The following ZNF497 variants were observed in gnomAD, a reference collection of about 807,000 sequenced individuals.
ZNF497 encodes the protein zinc finger-like protein.
For missense variants in ZNF497, 930 were observed against 714.0 expected (o/e 1.30, Z -3.45); for synonymous variants, 422 against 313.7 (o/e 1.35, Z -3.65).
In ZNF497 at chr19:58,356,915, T is replaced by G. The variant is rs768977500; in HGVS notation, c.721A>C (p.Thr241Pro). The change falls in exon 3 of 3, where the codon ACG (threonine) becomes CCG (proline). Residue 241 changes from threonine to proline, a missense_variant. Coordinates refer to ENST00000311044, the MANE Select transcript of ZNF497 (RefSeq NM_198458.3). Reference sequence around the variant, plus strand: ...CGGCAGGCGTGCGGCCGCGCGCCCGTGTGCACGCGCCGGTGCTCCAGGAAA... The same window carrying G: ...CGGCAGGCGTGCGGCCGCGCGCCCGGGTGCACGCGCCGGTGCTCCAGGAAA... ...SNFLEHRRVH[T>P]GARPHACRDC... The G allele has an allele frequency of 5.6e-5, 89 of 1,593,540 alleles. No homozygotes were observed. Among genetic ancestry groups the G allele is most frequent in the Admixed American group, 1.9e-4 (11 of 57,816 alleles).
intron 1 of ZNF497, among the ~76,000 whole-genome samples, chr19:58,361,648 C>T (rs1176913743): frequency 6.6e-6 from 1 of 152,190 alleles, no homozygotes; most frequent in Admixed American, 6.5e-5. Flanking sequence ...TGAGCCACCG[C>T]ACCTGGCCTC....
rs752713363 is a variant in ZNF497 at position 58,357,400 on chromosome 19, C to G, written c.236G>C (p.Gly79Ala). Residue 79 changes from glycine to alanine, a missense_variant, in exon 3 of 3, where the codon GGT becomes GCT. Coordinates refer to ENST00000311044, the MANE Select transcript of ZNF497 (RefSeq NM_198458.3). ...CCTGGGCCCAGCCCCGTCCCGCCCA[C>G]CGTCTGCGGGGCCCAGCTCCCTGCC... is the stretch of plus-strand genomic sequence containing the variant. The part of the protein sequence containing the change: ...GPGRELGPAD[G>A]GRDGAGPRSE... 3.8e-6 allele frequency: 6 copies of G among 1,597,540 alleles called. No individual in the cohort carries two copies. The highest frequency in any genetic ancestry group is 2.2e-5 in the South Asian group (2 of 89,548).
chr19:58,356,637 G>A lies in ZNF497; in HGVS notation c.999C>T (p.Ala333=), dbSNP rs1388266080. ...THTGERPFEC[A]ECGQAFVMGS... ...CCATGACGAAAGCCTGGCCGCACTC[G>A]GCGCACTCGAAGGGCCGCTCACCAG... Residue 333 remains alanine, a synonymous_variant, in exon 3 of 3, where the codon GCC becomes GCT. Coordinates refer to ENST00000311044, the MANE Select transcript of ZNF497 (RefSeq NM_198458.3). 3 of 1,527,548 alleles carry A rather than the reference G, an allele frequency of 2.0e-6. No homozygotes were observed. The highest frequency in any genetic ancestry group is 5.1e-5 in the East Asian group (2 of 39,414). The allele number at this position is 1,527,548 out of a possible 1,614,324, so 94.6% of individuals were successfully genotyped here. A position where few individuals can be genotyped will look rare whatever the true frequency, so the allele number is the denominator to read the frequency against.
rs2052015244 is a variant in ZNF497 at position 58,356,186 on chromosome 19, T to C, written c.1450A>G (p.Asn484Asp). The change falls in exon 3 of 3, where the codon AAC becomes GAC. Residue 484 changes from asparagine (N) to aspartate (D), a missense_variant. Asn to Asp is a conservative substitution (Grantham distance 23). Coordinates refer to ENST00000311044, the MANE Select transcript of ZNF497 (RefSeq NM_198458.3). ...ECGKPFSHRC[N>D]LNEHQKRHGG... ...TGCCGCTTCTGGTGCTCGTTGAGGTTGCAACGGTGGCTGAAAGGCTTCCCG... is the reference window on the plus strand; with the variant it reads ...TGCCGCTTCTGGTGCTCGTTGAGGTCGCAACGGTGGCTGAAAGGCTTCCCG... The C allele has an allele frequency of 6.3e-7, 1 of 1,592,904 alleles. No homozygotes were observed. The highest frequency in any genetic ancestry group is 8.6e-7 in the Non-Finnish European group (1 of 1,167,854).
Position 58,356,816 on chromosome 19 carries a change from G to C in ZNF497, c.820C>G (p.His274Asp). Residue 274 changes from histidine (H) to aspartate (D), a missense_variant, in exon 3 of 3, where the codon CAC becomes GAC. By Grantham distance (81) the His-to-Asp change is moderately conservative. Coordinates refer to ENST00000311044, the MANE Select transcript of ZNF497 (RefSeq NM_198458.3). ...GCCTTGCCGCAGTCGGGACAGGCGT[G>C]TGGCCGTGCGCCCGCGTGGATCTTC... ...HLKIHAGARP[H>D]ACPDCGKAFV... 1 of 1,564,816 alleles carries C rather than the reference G, an allele frequency of 6.4e-7. No individual in the cohort carries two copies. Among genetic ancestry groups the C allele is most frequent in the Non-Finnish European group, 8.6e-7 (1 of 1,162,462 alleles).
Position 58,357,120 on chromosome 19 carries a change from G to C in ZNF497, c.516C>G (p.Arg172=), listed in dbSNP as rs1176682095. Reference sequence around the variant, plus strand: ...GGTGGTGGATGAGCTGCGAGTGCGCGCGGAAGGCCTTGCCGCACTCCCTGC... The same window carrying C: ...GGTGGTGGATGAGCTGCGAGTGCGCCCGGAAGGCCTTGCCGCACTCCCTGC... ...YACRECGKAF[R]AHSQLIHHQE... Residue 172 remains arginine (R), a synonymous_variant, in exon 3 of 3, where the codon CGC becomes CGG. Coordinates refer to ENST00000311044, the MANE Select transcript of ZNF497 (RefSeq NM_198458.3). 1 of 1,609,532 alleles carries C rather than the reference G, an allele frequency of 6.2e-7. No individual in the cohort carries two copies. The highest frequency in any genetic ancestry group is 8.5e-7 in the Non-Finnish European group (1 of 1,176,834).
Position 58,356,776 on chromosome 19 carries a change from G to T in ZNF497, c.860C>A (p.Ala287Glu). 6.3e-7 allele frequency: 1 copy of T among 1,577,386 alleles called. No individual in the cohort carries two copies. The part of the protein sequence containing the change: ...PDCGKAFVRV[A>E]GLRQHRRTHS... ...CGTGCGCCGGTGCTGCCGCAGCCCC[G>T]CCACACGCACGAAGGCCTTGCCGCA... Residue 287 changes from alanine (A) to glutamate (E), a missense_variant, in exon 3 of 3, where the codon GCG becomes GAG. Ala to Glu is a moderately radical substitution (Grantham distance 107, BLOSUM62 -1). Transcript: ENST00000311044.
chr19:58,359,186 G>A, intron 1 of ZNF497: 1 of 1,290,992 alleles, frequency 7.7e-7, no homozygotes, highest in Non-Finnish European at 1.0e-6. Context: ...CTTGGAGCTG[G>A]GCTCACCCAC....
intron 1 of ZNF497, among the ~76,000 whole-genome samples, chr19:58,362,218 G>A (rs11668660): frequency 0.32 from 49,037 of 152,078 alleles, 8,771 homozygotes; most frequent in Middle Eastern, 0.47. Flanking sequence ...AATACGGAGT[G>A]GATAAAGGGG....
chr19:58,360,683 C>T (rs1474585719), intron 1 of ZNF497, among the ~76,000 whole-genome samples: 1 of 151,302 alleles, frequency 6.6e-6, no homozygotes, highest in Non-Finnish European at 1.5e-5. Context: ...TGCCTGCCAT[C>T]AGGCCTGGCT....
rs774853662 is a variant in ZNF497 at position 58,356,150 on chromosome 19, C to G, written c.1486G>C (p.Ala496Pro). 6.4e-7 allele frequency: 1 copy of G among 1,559,802 alleles called. No individual in the cohort carries two copies. The highest frequency in any genetic ancestry group is 8.7e-7 in the Non-Finnish European group (1 of 1,152,808). Reference protein sequence around the residue: ...NEHQKRHGGRAAP With the variant: ...NEHQKRHGGRPAP ...AGGGCGTCCTCGGGTCAGGGCGCAG[C>G]GCGGCCCCCGTGCCGCTTCTGGTGC... Residue 496 changes from alanine to proline, a missense_variant, in exon 3 of 3, where the codon GCT becomes CCT. Coordinates refer to ENST00000311044, the MANE Select transcript of ZNF497 (RefSeq NM_198458.3).
rs777179698 is a variant in ZNF497 at position 58,356,773 on chromosome 19, C to T, written c.863G>A (p.Gly288Glu). Residue 288 changes from glycine to glutamate, a missense_variant, in exon 3 of 3, where the codon GGG (glycine) becomes GAG (glutamate). Coordinates refer to ENST00000311044, the MANE Select transcript of ZNF497 (RefSeq NM_198458.3). Reference sequence around the variant, plus strand: ...GTGCGTGCGCCGGTGCTGCCGCAGCCCCGCCACACGCACGAAGGCCTTGCC... The same window carrying T: ...GTGCGTGCGCCGGTGCTGCCGCAGCTCCGCCACACGCACGAAGGCCTTGCC... ...DCGKAFVRVAGLRQHRRTHSS... is the reference protein window; with the variant it reads ...DCGKAFVRVAELRQHRRTHSS... The T allele has an allele frequency of 1.2e-5, 18 of 1,564,100 alleles. 1 individual carries two copies. The highest frequency in any genetic ancestry group is 1.4e-5 in the African/African-American group (1 of 71,492).
intron 2 of ZNF497, chr19:58,357,957 C>A: frequency 7.6e-7 from 1 of 1,317,024 alleles, no homozygotes; most frequent in East Asian, 3.4e-5. Flanking sequence ...CGCACCTGCA[C>A]TGGCCCTACT....
chr19:58,359,712 G>A (rs1366410812), intron 1 of ZNF497: 10 of 305,928 alleles, frequency 3.3e-5, no homozygotes, highest in East Asian at 9.5e-5. Context: ...GGTGGCTGAC[G>A]GCTGTAGTCC....
At position 58,357,231 on chromosome 19, in the gene ZNF497, C is replaced by G. The variant is rs1014500806; in HGVS notation, c.405G>C (p.Thr135=). The G allele has an allele frequency of 5.6e-6, 9 of 1,612,026 alleles. No individual in the cohort carries two copies. In the Middle Eastern group the frequency reaches 6.6e-4, roughly 118 times the overall value. The stretch of plus-strand genomic sequence containing the variant: ...CGAAGGCCTTGCCGCACTCGGGGCA[C>G]GTGTACGGCTTCTCGCCTGTGTGCA... ...RRVHTGEKPY[T]CPECGKAFAW... Residue 135 remains threonine (T), a synonymous_variant, in exon 3 of 3, where the codon ACG becomes ACC. Coordinates refer to ENST00000311044, the MANE Select transcript of ZNF497 (RefSeq NM_198458.3).
At chr19:58,357,670 C>T (rs1008190845) in intron 2 of ZNF497, 21 bp from the exon 3 acceptor site, 2 of 1,510,494 alleles carry the variant, frequency 1.3e-6, no homozygotes, top group African/African-American at 1.4e-5. Context: ...AGAGAAAAGG[C>T]AAGTACCTTA....
Position 58,356,244 on chromosome 19 carries a change from G to C in ZNF497, c.1392C>G (p.His464Gln), listed in dbSNP as rs1432948923. The change falls in exon 3 of 3, where the codon CAC (histidine) becomes CAG (glutamine). Residue 464 changes from histidine to glutamine, a missense_variant. By Grantham distance (24) the His-to-Gln change is conservative. Coordinates refer to ENST00000311044, the MANE Select transcript of ZNF497 (RefSeq NM_198458.3). ...KSELLSHRRT[H>Q]TGERPYACGE... is the part of the protein sequence containing the mutation. ...CGCAAGCGTAGGGCCTCTCGCCCGT[G>C]TGCGTGCGCCGGTGGCTTAAGAGCT... The C allele has an allele frequency of 1.2e-6, 2 of 1,607,112 alleles. No homozygotes were observed. Among genetic ancestry groups the C allele is most frequent in the Non-Finnish European group, 1.7e-6 (2 of 1,177,426 alleles).
chr19:58,359,413 T>C (rs1294107207), intron 1 of ZNF497: 1 of 500,124 alleles, frequency 2.0e-6, no homozygotes, highest in African/African-American at 2.0e-5. Context: ...AATGGAAGAA[T>C]GGGGGTATCG....
At position 58,356,894 on chromosome 19, in the gene ZNF497, A is replaced by G. The variant is rs758251201; in HGVS notation, c.742T>C (p.Cys248Arg). 10 of 1,592,876 alleles carry G rather than the reference A, an allele frequency of 6.3e-6. No homozygotes were observed. Among genetic ancestry groups the G allele is most frequent in the Middle Eastern group, 1.6e-4 (1 of 6,066 alleles). The change falls in exon 3 of 3, where the codon TGC becomes CGC. Residue 248 changes from cysteine to arginine, a missense_variant. Physicochemically the swap from Cys to Arg is radical, Grantham distance 180. Coordinates refer to ENST00000311044, the MANE Select transcript of ZNF497 (RefSeq NM_198458.3). ...RVHTGARPHA[C>R]RDCGKAFSQS... The stretch of plus-strand genomic sequence containing the variant: ...CTGAAGGCCTTGCCACAGTCCCGGC[A>G]GGCGTGCGGCCGCGCGCCCGTGTGC...
Sources: gnomAD v4.1 joint callset for allele counts (sites outside exome capture counted in the v4.1 genomes callset) on GRCh38, gnomAD v4.1.1 for gene constraint, MANE v1.5 for transcripts, NCBI Gene and HGNC (gene_info 2026-07-23, HGNC 2026-07-21) for gene names.